The following MAGED1 variants were observed in gnomAD, a reference collection of about 807,000 sequenced individuals.
The protein encoded by MAGED1 is MAGE family member D1.
A neutral mutation model predicts 54.1 loss-of-function variants in MAGED1; 3 were observed. The ratio of observed to expected loss-of-function variants is 0.06; its 90% confidence interval spans 0.03 to 0.14. The LOEUF (loss-of-function observed/expected upper bound fraction) is 0.14, where lower values mean the gene tolerates loss of function less well. MAGED1 is among the 10% of genes least tolerant of loss of function. MAGED1 has a pLI of 1.00. For missense variants in MAGED1, 485 were observed against 623.4 expected (o/e 0.78, Z 2.36); for synonymous variants, 217 against 227.3 (o/e 0.95, Z 0.41).
chrX:51,818,040 A>G (rs1035291761), intron 1 of MAGED1, among the ~76,000 whole-genome samples: 3 of 111,615 alleles, frequency 2.7e-5, no homozygotes, highest in Admixed American at 1.9e-4. Context: ...GCAATATGAC[A>G]CTAATGACAA....
intron 1 of MAGED1, among the ~76,000 whole-genome samples, chrX:51,848,263 C>A (rs1926758237): frequency 9.0e-6 from 1 of 111,211 alleles, no homozygotes; most frequent in Admixed American, 9.6e-5. Flanking sequence ...TATTTATATA[C>A]AATGGATATT....
At chrX:51,890,154 T>C (rs1162397432), upstream of MAGED1, among the ~76,000 whole-genome samples, 1 of 112,074 alleles carries the variant, frequency 8.9e-6, no homozygotes, top group Non-Finnish European at 1.9e-5. Flanking sequence ...GCTCCATGCC[T>C]ATCTGACTGA....
intron 1 of MAGED1, among the ~76,000 whole-genome samples, chrX:51,806,790 ATT>A (rs141901720): frequency 7.1e-4 from 70 of 99,255 alleles, no homozygotes; most frequent in Admixed American, 1.1e-3. Flanking sequence ...TCCTAACATA[ATT>A]TTTTTTTTTT....
upstream of MAGED1, among the ~76,000 whole-genome samples, chrX:51,891,317 CAT>C (rs1201450096): frequency 1.8e-5 from 2 of 112,773 alleles, no homozygotes; most frequent in Admixed American, 1.9e-4. Flanking sequence ...TATGTAACAA[CAT>C]ATATGTGTGT....
intron 1 of MAGED1, among the ~76,000 whole-genome samples, chrX:51,840,869 A>G (rs1452629898): frequency 9.1e-6 from 1 of 110,403 alleles, no homozygotes; most frequent in East Asian, 2.8e-4. Flanking sequence ...AGTCTTTGCT[A>G]TTGTGAATAG....
At chrX:51,840,704 G>A (rs1233767464) in intron 1 of MAGED1, among the ~76,000 whole-genome samples, 19 of 108,706 alleles carry the variant, frequency 1.7e-4, no homozygotes, top group African/African-American at 6.4e-4. Context: ...TTGTCCTTGC[G>A]ATAGTTTACT....
intron 1 of MAGED1, among the ~76,000 whole-genome samples, chrX:51,861,929 G>A (rs987888933): frequency 8.1e-5 from 9 of 111,484 alleles, no homozygotes; most frequent in Admixed American, 3.8e-4. Context: ...TGATCTGCTC[G>A]CCTTGGCCTC....
At chrX:51,882,131 A>T (rs1212160003) in intron 1 of MAGED1, among the ~76,000 whole-genome samples, 1 of 112,134 alleles carries the variant, frequency 8.9e-6, no homozygotes, top group Non-Finnish European at 1.9e-5. Context: ...AAAAAGCCAT[A>T]ATTATTCTGA....
At position 51,895,041 on chromosome X, in the gene MAGED1, CT is replaced by C. The variant is rs1557364019; in HGVS notation, c.46-11del. On this transcript the variant is annotated splice_polypyrimidine_tract_variant and intron_variant, in intron 2 of 12. Coordinates refer to ENST00000326587, the MANE Select transcript of MAGED1 (RefSeq NM_006986.4). ...GCCCAGAGATTTAATTTTTTCCCCC[CT>C]GTGTTTGCAGGCTGAGGCCTCCGTA... is the stretch of plus-strand genomic sequence containing the variant. 1 of 1,180,589 alleles carries C rather than the reference CT, an allele frequency of 8.5e-7. No homozygotes were observed. The highest frequency in any genetic ancestry group is 3.0e-5 in the East Asian group (1 of 33,478).
At chrX:51,862,858 C>T (rs1376889405) in intron 1 of MAGED1, among the ~76,000 whole-genome samples, 8 of 111,375 alleles carry the variant, frequency 7.2e-5, no homozygotes, top group East Asian at 2.8e-4. Flanking sequence ...AAAAATTATA[C>T]GTATTCAAGG....
chrX:51,831,413 A>G (rs1288305620), intron 1 of MAGED1, among the ~76,000 whole-genome samples: 1 of 111,173 alleles, frequency 9.0e-6, no homozygotes, highest in African/African-American at 3.3e-5. Flanking sequence ...GGAGTTCAAG[A>G]CCAGCCTGGG....
intron 1 of MAGED1, among the ~76,000 whole-genome samples, chrX:51,887,073 A>G (rs1346827634): frequency 1.2e-5 from 1 of 83,646 alleles, no homozygotes; most frequent in Non-Finnish European, 2.3e-5. Context: ...AGAAGAAAAA[A>G]AAGAGAATAC....
At chrX:51,822,169 C>A (rs1925660486) in intron 1 of MAGED1, among the ~76,000 whole-genome samples, 1 of 111,715 alleles carries the variant, frequency 9.0e-6, no homozygotes, top group South Asian at 3.7e-4. Flanking sequence ...GTGAAGCCGT[C>A]TTGGCCTTGG....
At chrX:51,871,421 C>T (rs375166579) in intron 1 of MAGED1, among the ~76,000 whole-genome samples, 1 of 109,786 alleles carries the variant, frequency 9.1e-6, no homozygotes, top group Non-Finnish European at 1.9e-5. Context: ...ATCCCTCCCC[C>T]CTTCCCCCAC....
At chrX:51,894,235 C>T in intron 1 of MAGED1, 34 bp from the exon 2 acceptor site, 1 of 901,293 alleles carries the variant, frequency 1.1e-6, no homozygotes, top group Non-Finnish European at 1.6e-6. Flanking sequence ...CGTATTTGCC[C>T]TCTGTAGTAT....
intron 1 of MAGED1, among the ~76,000 whole-genome samples, chrX:51,864,318 C>T (rs1311856268): frequency 9.0e-6 from 1 of 110,906 alleles, no homozygotes; most frequent in Non-Finnish European, 1.9e-5. Context: ...TTCTTGATGC[C>T]TTTGTCAAAG....
At chrX:51,876,234 CT>C (rs782260180) in intron 1 of MAGED1, among the ~76,000 whole-genome samples, 135 of 102,269 alleles carry the variant, frequency 1.3e-3, no homozygotes, top group Admixed American at 2.2e-3. Context: ...GTCTTTCTTT[CT>C]TTTTTTTTTT....
At chrX:51,876,234 C>CTT (rs782260180) in intron 1 of MAGED1, among the ~76,000 whole-genome samples, 1 of 102,505 alleles carries the variant, frequency 9.8e-6, no homozygotes, top group Admixed American at 1.0e-4. Context: ...GTCTTTCTTT[C>CTT]TTTTTTTTTT....
At chrX:51,828,598 A>G (rs1259540271) in intron 1 of MAGED1, among the ~76,000 whole-genome samples, 1 of 110,507 alleles carries the variant, frequency 9.0e-6, no homozygotes, top group East Asian at 2.8e-4. Context: ...TCAAGTGGTG[A>G]TTTCCCATGT....
Sources: gnomAD v4.1 joint callset for allele counts (sites outside exome capture counted in the v4.1 genomes callset) on GRCh38, gnomAD v4.1.1 for gene constraint, MANE v1.5 for transcripts, NCBI Gene and HGNC (gene_info 2026-07-23, HGNC 2026-07-21) for gene names.